Variants in DMD observed in about 807,000 individuals in gnomAD.
The protein encoded by DMD is mutant dystrophin.
DMD carries 63 observed loss-of-function variants against 330.1 expected under a neutral mutation model. The observed-to-expected ratio is 0.19, with a 90% CI of 0.16 to 0.24. The LOEUF is 0.24. DMD is among the 10% of genes least tolerant of loss of function. The pLI is 1.00. For missense variants in DMD, 3,344 were observed against 2,684.1 expected, an observed-to-expected ratio of 1.25 and a Z score of -5.43; for synonymous variants, 1,223 against 959.8, an observed-to-expected ratio of 1.27 and a Z score of -5.07.
intron 55 of DMD, among the ~76,000 whole-genome samples, chrX:31,543,726 CAGATA>C (rs1323804289): frequency 1.8e-5 from 2 of 111,582 alleles, no homozygotes; most frequent in Non-Finnish European, 3.8e-5. Flanking sequence ...GACTTGATGA[CAGATA>C]AGATATGAGA....
intron 41 of DMD, among the ~76,000 whole-genome samples, chrX:32,324,373 C>A (rs1009897526): frequency 9.2e-6 from 1 of 108,854 alleles, no homozygotes; most frequent in Non-Finnish European, 1.9e-5. Context: ...CACAATGCTG[C>A]GTTAATGGTG....
At chrX:32,189,820 C>T (rs148176890) in intron 44 of DMD, among the ~76,000 whole-genome samples, 2,976 of 111,102 alleles carry the variant, frequency 0.027, 28 homozygotes, top group Middle Eastern at 0.074. Flanking sequence ...GAGTTCATAA[C>T]TGTGCAGTAG....
intron 48 of DMD, among the ~76,000 whole-genome samples, chrX:31,867,107 T>TATATAC (rs1556957087): frequency 1.8e-5 from 2 of 108,892 alleles, no homozygotes; most frequent in Non-Finnish European, 3.8e-5. Flanking sequence ...TATATATATA[T>TATATAC]ATACGCACAC....
At chrX:32,731,957 T>C (rs769234606) in intron 7 of DMD, among the ~76,000 whole-genome samples, 7 of 111,631 alleles carry the variant, frequency 6.3e-5, no homozygotes, top group Non-Finnish European at 1.3e-4. Context: ...GACGATCAAA[T>C]TACTCTGAGC....
chrX:33,093,278 T>C (rs1224564363), intron 1 of DMD, among the ~76,000 whole-genome samples: 2 of 112,470 alleles, frequency 1.8e-5, no homozygotes, highest in African/African-American at 6.5e-5. Flanking sequence ...TTCCTTGATA[T>C]TCTCTTTCTG....
At position 32,565,789 on chromosome X, in the gene DMD, T is replaced by C. The variant is rs1435406583; in HGVS notation, c.1905A>G (p.Ser635=). The C allele has an allele frequency of 8.3e-7, 1 of 1,211,494 alleles. No individual in the cohort carries two copies. Among genetic ancestry groups the C allele is most frequent in the South Asian group, 1.8e-5 (1 of 57,010 alleles). The part of the protein sequence containing the change: ...QDLLSTLKNK[S]VTQKTEAWLD... Reference sequence around the variant, plus strand: ...GCCATGCTTCCGTCTTCTGGGTCACTGACTTATTCTTCAGTGTTGAAAGAA... The same window carrying C: ...GCCATGCTTCCGTCTTCTGGGTCACCGACTTATTCTTCAGTGTTGAAAGAA... Residue 635 remains serine (S), a synonymous_variant, in exon 16 of 79, where the codon TCA becomes TCG. Coordinates refer to ENST00000357033, the MANE Select transcript of DMD (RefSeq NM_004006.3).
At chrX:32,004,989 C>A (rs903155403) in intron 44 of DMD, among the ~76,000 whole-genome samples, 3 of 111,503 alleles carry the variant, frequency 2.7e-5, no homozygotes, top group Non-Finnish European at 3.8e-5. Flanking sequence ...GAAGACTGCA[C>A]CCCACTGCTG....
At chrX:31,351,362 T>C (rs1333684128) in intron 60 of DMD, among the ~76,000 whole-genome samples, 1 of 110,768 alleles carries the variant, frequency 9.0e-6, no homozygotes, top group Non-Finnish European at 1.9e-5. Context: ...TTTAGCCTAG[T>C]TTCTGTCACG....
At chrX:33,228,620 G>A (rs1438604773) in intron 1 of DMD, among the ~76,000 whole-genome samples, 2 of 109,549 alleles carry the variant, frequency 1.8e-5, no homozygotes, top group African/African-American at 3.3e-5. Flanking sequence ...GATAAGAGCA[G>A]CAGTTAAATA....
chrX:31,707,546 C>T (rs1311282988), intron 52 of DMD, among the ~76,000 whole-genome samples: 1 of 110,720 alleles, frequency 9.0e-6, no homozygotes, highest in Non-Finnish European at 1.9e-5. Context: ...GGGATCCGTA[C>T]TCCAAACCTC....
chrX:32,592,646 T>C (rs2055050584), intron 13 of DMD, among the ~76,000 whole-genome samples: 1 of 112,114 alleles, frequency 8.9e-6, no homozygotes, highest in African/African-American at 3.2e-5. Flanking sequence ...ACTTGCTGAA[T>C]GGCAGGACAA....
chrX:31,940,630 A>T (rs991876767), intron 45 of DMD, among the ~76,000 whole-genome samples: 2 of 111,122 alleles, frequency 1.8e-5, no homozygotes, highest in Non-Finnish European at 3.8e-5. Context: ...AAATTTTTGT[A>T]AAGTTTGCAT....
At position 32,842,134 on chromosome X, in the gene DMD, C is replaced by T. The variant is rs151098502; in HGVS notation, c.264+2649G>A. ...AGGCAGATAGCCAGAAATGAGCAGG[C>T]AAGGGAGCCCCATTGAGAAAAGAAG... On this transcript the variant is annotated intron_variant, in intron 4 of 78. Transcript: ENST00000357033. Among the ~76,000 whole-genome samples, 288 of 111,966 alleles carry T rather than the reference C, an allele frequency of 2.6e-3. 1 individual carries two copies. Among genetic ancestry groups the T allele is most frequent in the African/African-American group, 8.9e-3 (274 of 30,820 alleles).
intron 11 of DMD, among the ~76,000 whole-genome samples, chrX:32,643,909 G>A (rs2146814746): frequency 9.0e-6 from 1 of 111,724 alleles, no homozygotes; most frequent in South Asian, 3.7e-4. Context: ...TTAAAACATA[G>A]TTCTGTAGAT....
intron 47 of DMD, among the ~76,000 whole-genome samples, chrX:31,881,532 G>C (rs767380355): frequency 8.9e-6 from 1 of 111,760 alleles, no homozygotes; most frequent in Non-Finnish European, 1.9e-5. Context: ...CTCACTCACC[G>C]ACTCACCCAG....
chrX:33,183,103 C>A (rs1003864129), intron 1 of DMD, among the ~76,000 whole-genome samples: 1 of 111,505 alleles, frequency 9.0e-6, no homozygotes, highest in African/African-American at 3.3e-5. Flanking sequence ...TTCCTAATTT[C>A]AAAACTATTT....
chrX:32,561,212 G>A (rs1473193715), intron 16 of DMD, among the ~76,000 whole-genome samples: 4 of 111,666 alleles, frequency 3.6e-5, no homozygotes, highest in Non-Finnish European at 7.5e-5. Context: ...ACTTCCCTGA[G>A]CTAGAGGAGA....
intron 1 of DMD, among the ~76,000 whole-genome samples, chrX:33,283,337 G>A (rs1256616730): frequency 1.8e-5 from 2 of 110,892 alleles, no homozygotes; most frequent in East Asian, 5.7e-4. Context: ...TCAGGAGTTT[G>A]AGACCAGCCT....
intron 59 of DMD, among the ~76,000 whole-genome samples, chrX:31,477,298 A>C (rs756677125): frequency 1.8e-5 from 2 of 111,552 alleles, no homozygotes; most frequent in Non-Finnish European, 3.8e-5. Flanking sequence ...AAGAACATGG[A>C]TGGAACAGTT....
Sources: allele counts gnomAD v4.1 joint callset (sites outside exome capture counted in the v4.1 genomes callset), GRCh38; gene constraint gnomAD v4.1.1; transcripts MANE v1.5; gene names NCBI Gene and HGNC (gene_info 2026-07-23, HGNC 2026-07-21).